The following CLEC4C variants were observed in gnomAD, a reference collection of about 807,000 sequenced individuals.
CLEC4C encodes the protein C-type (calcium dependent, carbohydrate-recognition domain) lectin, superfamily member 11.
CLEC4C carries 17 observed loss-of-function variants against 27.7 expected under a neutral mutation model. The ratio of observed to expected loss-of-function variants is 0.61; its 90% CI spans 0.42 to 0.92. The LOEUF (loss-of-function observed/expected upper bound fraction) is 0.92, where lower values mean the gene tolerates loss of function less well. CLEC4C is among the 40% of genes least tolerant of loss of function. CLEC4C has a pLI of 0.00. For missense variants in CLEC4C, 244 were observed against 257.3 expected (o/e 0.95, Z 0.35); for synonymous variants, 80 against 80.8 (o/e 0.99, Z 0.06).
At chr12:7,737,617 A>C in intron 3 of CLEC4C, 43 bp from the exon 4 acceptor site, 1 of 1,565,330 alleles carries the variant, frequency 6.4e-7, no homozygotes, top group Non-Finnish European at 8.7e-7. Context: ...TTAACAGAGA[A>C]TTCTCCTCAC....
chr12:7,735,076 CTG>C (rs1185850849), intron 4 of CLEC4C, among the ~76,000 whole-genome samples: 1 of 151,764 alleles, frequency 6.6e-6, no homozygotes, highest in Non-Finnish European at 1.5e-5. Flanking sequence ...TGGCATGCAC[CTG>C]TAATCCCAGC....
chr12:7,747,334 T>C lies in CLEC4C; in HGVS notation c.15A>G (p.Glu5=), dbSNP rs999853633. 6.2e-7 allele frequency: 1 copy of C among 1,614,164 alleles called. No homozygotes were observed. The highest frequency in any genetic ancestry group is 1.3e-5 in the African/African-American group (1 of 75,054). The change falls in exon 1 of 6, where the codon GAA becomes GAG. Residue 5 remains glutamate, a synonymous_variant. Coordinates refer to ENST00000360345, the MANE Select transcript of CLEC4C (RefSeq NM_001371390.1). ...AGTGCTTACCTCGGTCTTGAGGCTC[T>C]TCTTCAGGCACCATTGTGTGTGCGC... MVPE[E]EPQDREKGLW...
chr12:7,732,703 C>G (rs1278146735), intron 4 of CLEC4C, among the ~76,000 whole-genome samples: 1 of 151,264 alleles, frequency 6.6e-6, no homozygotes, highest in Non-Finnish European at 1.5e-5. Flanking sequence ...TGGTTCACGC[C>G]TATAATCCAA....
intron 2 of CLEC4C, among the ~76,000 whole-genome samples, chr12:7,742,726 C>T (rs940842524): frequency 1.3e-5 from 2 of 152,030 alleles, no homozygotes; most frequent in Non-Finnish European, 2.9e-5. Context: ...AGGAGAATCA[C>T]TTCGACCTGG....
chr12:7,737,370 CTCTT>C (rs1864750919), intron 4 of CLEC4C, 55 bp downstream of exon 4: 3 of 1,102,674 alleles, frequency 2.7e-6, no homozygotes, highest in South Asian at 2.1e-5. Flanking sequence ...AATAAAAAGA[CTCTT>C]TATCAGTTAA....
At chr12:7,743,417 C>T (rs1864903712) in intron 2 of CLEC4C, among the ~76,000 whole-genome samples, 1 of 149,328 alleles carries the variant, frequency 6.7e-6, no homozygotes, top group African/African-American at 2.5e-5. Context: ...TGGAGTCTTG[C>T]TCTGTCGCCC....
chr12:7,747,450 A>C, upstream of CLEC4C: 4 of 1,209,250 alleles, frequency 3.3e-6, no homozygotes, highest in Non-Finnish European at 4.9e-6. Context: ...GTTCTTTCAA[A>C]CAAGCCAAGC....
In CLEC4C at chr12:7,729,683, G is replaced by A. The variant is rs1045032385; in HGVS notation, c.555C>T (p.Phe185=). Reference sequence around the variant, plus strand: ...TCCAGCCCCATTCTTCTGAAGAACGGAAATTTATTATCGCACAACGCTCAT... The same window carrying A: ...TCCAGCCCCATTCTTCTGAAGAACGAAAATTTATTATCGCACAACGCTCAT... ...NLDERCAIIN[F]RSSEEWGWND... is the part of the protein sequence containing the mutation. The change falls in exon 6 of 6, where the codon TTC becomes TTT. Residue 185 remains phenylalanine (F), a synonymous_variant. Transcript: ENST00000360345. The A allele has an allele frequency of 6.2e-7, 1 of 1,613,844 alleles. No individual in the cohort carries two copies. The highest frequency in any genetic ancestry group is 8.5e-7 in the Non-Finnish European group (1 of 1,179,772).
At chr12:7,742,616 C>T (rs180860102) in intron 2 of CLEC4C, among the ~76,000 whole-genome samples, 7 of 151,698 alleles carry the variant, frequency 4.6e-5, no homozygotes, top group Admixed American at 4.6e-4. Context: ...TGAGACCAGC[C>T]TGACCGACAT....
Position 7,737,583 on chromosome 12 carries a change from A to G in CLEC4C, c.236-9T>C, listed in dbSNP as rs764877133. The G allele has an allele frequency of 5.0e-6, 8 of 1,610,534 alleles. 1 individual carries two copies. The South Asian group carries it at 8.8e-5, about 18-fold the overall frequency. ...TGGGCAGCAGCTCCAATCTTCCCAAATGAGTATAGAAGAAGAAAAAATATT... is the reference window on the plus strand; with the variant it reads ...TGGGCAGCAGCTCCAATCTTCCCAAGTGAGTATAGAAGAAGAAAAAATATT... On this transcript the variant is annotated splice_polypyrimidine_tract_variant and intron_variant, in intron 3 of 5. Coordinates refer to ENST00000360345, the MANE Select transcript of CLEC4C (RefSeq NM_001371390.1).
chr12:7,733,227 G>A (rs1864641122), intron 4 of CLEC4C, among the ~76,000 whole-genome samples: 1 of 150,718 alleles, frequency 6.6e-6, no homozygotes, highest in South Asian at 2.1e-4. Flanking sequence ...TGTGTTACAA[G>A]AAAGATAGAG....
At chr12:7,745,263 G>C (rs1864946294) in intron 2 of CLEC4C, among the ~76,000 whole-genome samples, 1 of 151,910 alleles carries the variant, frequency 6.6e-6, no homozygotes, top group East Asian at 1.9e-4. Context: ...TGACGAGCTA[G>C]CACTCCCTCC....
At chr12:7,747,171 C>T in intron 1 of CLEC4C, 147 bp downstream of exon 1, 1 of 782,902 alleles carries the variant, frequency 1.3e-6, no homozygotes, top group South Asian at 1.5e-5. Flanking sequence ...TATCTTGGGT[C>T]CATACCTGTT....
chr12:7,737,386 A>G, intron 4 of CLEC4C, 43 bp downstream of exon 4: 2 of 1,502,700 alleles, frequency 1.3e-6, no homozygotes, highest in Middle Eastern at 3.6e-4. Context: ...ATCAGTTAAG[A>G]AAGGAAACAG....
chr12:7,740,145 T>C (rs1443726647), intron 3 of CLEC4C, among the ~76,000 whole-genome samples: 3 of 151,824 alleles, frequency 2.0e-5, no homozygotes, highest in Admixed American at 6.6e-5. Flanking sequence ...GGGTGATTTA[T>C]TTTTAAGTAT....
chr12:7,738,636 C>A (rs1391497745), intron 3 of CLEC4C, among the ~76,000 whole-genome samples: 4 of 151,950 alleles, frequency 2.6e-5, no homozygotes, highest in South Asian at 2.1e-4. Flanking sequence ...GTAGCTGGAA[C>A]CACAGGGGCA....
chr12:7,734,370 G>A (rs1864671459), intron 4 of CLEC4C, among the ~76,000 whole-genome samples: 1 of 152,136 alleles, frequency 6.6e-6, no homozygotes, highest in Admixed American at 6.6e-5. Flanking sequence ...CAAGAAAGAG[G>A]TAAGGGTAAA....
intron 3 of CLEC4C, among the ~76,000 whole-genome samples, chr12:7,740,768 G>A (rs1402637150): frequency 6.6e-6 from 1 of 151,790 alleles, no homozygotes; most frequent in South Asian, 2.1e-4. Flanking sequence ...TTGAGTTTTA[G>A]GCTTTAATAT....
chr12:7,734,002 T>C (rs1864661263), intron 4 of CLEC4C, among the ~76,000 whole-genome samples: 3 of 152,028 alleles, frequency 2.0e-5, no homozygotes, highest in Non-Finnish European at 2.9e-5. Flanking sequence ...AAGCAATTCT[T>C]CTGCCTCAGC....
Sources: gnomAD v4.1 joint callset for allele counts (sites outside exome capture counted in the v4.1 genomes callset) on GRCh38, gnomAD v4.1.1 for gene constraint, MANE v1.5 for transcripts, NCBI Gene and HGNC (gene_info 2026-07-23, HGNC 2026-07-21) for gene names.